ITSN2: variants seen among roughly 807,000 people sequenced by gnomAD.
ITSN2 encodes intersectin 2.
In ITSN2, 156 loss-of-function variants were observed where a neutral mutation model predicts 243.7. The ratio of observed to expected loss-of-function variants is 0.64; its 90% CI spans 0.56 to 0.73. The LOEUF (loss-of-function observed/expected upper bound fraction) is 0.73, where lower values mean the gene tolerates loss of function less well. Among genes scored for constraint, ITSN2 ranks in the 30% least tolerant of loss-of-function variants. ITSN2 has a pLI of 0.00. For synonymous variants in ITSN2, 703 were observed against 699.9 expected, an observed-to-expected ratio of 1.00 and a Z score of -0.07; for missense variants, 1,801 against 1,996.1, an observed-to-expected ratio of 0.90 and a Z score of 1.86.
chr2:24,315,174 T>G lies in ITSN2; in HGVS notation c.82A>C (p.Arg28=). 6.2e-7 allele frequency: 1 copy of G among 1,612,632 alleles called. No individual in the cohort carries two copies. The highest frequency in any genetic ancestry group is 1.3e-5 in the African/African-American group (1 of 75,036). ...ITSEERTKHD[R]QFDNLKPSGG... ...GAAGGTTTGAGGTTATCAAACTGCC[T>G]GTCATGCTTAGTACGTTCTTCAGAG... Residue 28 remains arginine, a synonymous_variant, in exon 3 of 40, where the codon AGG becomes CGG. Transcript: ENST00000355123.
chr2:24,285,125 G>C (rs983292468), intron 16 of ITSN2, among the ~76,000 whole-genome samples: 11 of 152,020 alleles, frequency 7.2e-5, no homozygotes, highest in Admixed American at 6.6e-5. Flanking sequence ...TCGATCTCTT[G>C]ACCTCGTGAT....
chr2:24,264,697 T>TACAC (rs55826835), intron 20 of ITSN2, among the ~76,000 whole-genome samples: 713 of 49,772 alleles, frequency 0.014, 6 homozygotes, highest in South Asian at 0.03. Context: ...CTGTTGTTTA[T>TACAC]ACACACACAC....
Position 24,254,444 on chromosome 2 carries a change from TAAACAAAC to T in ITSN2, c.2889-21_2889-14del, listed in dbSNP as rs201002598. 5.9e-4 allele frequency: 942 copies of T among 1,588,448 alleles called. 1 individual carries two copies. Among genetic ancestry groups the T allele is most frequent in the Non-Finnish European group, 6.2e-4 (714 of 1,157,742 alleles). ...CAAAGCTTCTGGTCTACCAAATATA[TAAACAAAC>T]AAACAAACAAACAAACAAATACAAG... On this transcript the variant is annotated splice_polypyrimidine_tract_variant and intron_variant, in intron 23 of 39. Coordinates refer to ENST00000355123, the MANE Select transcript of ITSN2 (RefSeq NM_006277.3).
chr2:24,325,229 T>C (rs1685032103), intron 2 of ITSN2, among the ~76,000 whole-genome samples: 1 of 151,902 alleles, frequency 6.6e-6, no homozygotes, highest in Admixed American at 6.6e-5. Flanking sequence ...GACAAGATAG[T>C]GAGACCCCCA....
chr2:24,304,452 A>T (rs1327315194), intron 8 of ITSN2, among the ~76,000 whole-genome samples: 2 of 152,256 alleles, frequency 1.3e-5, no homozygotes, highest in African/African-American at 4.8e-5. Flanking sequence ...CATGCAGCTA[A>T]ATGTTTATAT....
chr2:24,210,070 G>C (rs767014512), intron 34 of ITSN2, 37 bp from the exon 35 acceptor site: 52 of 1,508,898 alleles, frequency 3.4e-5, no homozygotes, highest in Non-Finnish European at 4.6e-5. Flanking sequence ...TTAAATCCCG[G>C]CACAAACCAT....
chr2:24,245,268 C>T (rs1406609586), intron 29 of ITSN2, among the ~76,000 whole-genome samples: 1 of 152,082 alleles, frequency 6.6e-6, no homozygotes, highest in African/African-American at 2.4e-5. Context: ...TGAAATAGAC[C>T]TTGATTGATA....
Position 24,295,697 on chromosome 2 carries a change from A to G in ITSN2, c.1602T>C (p.Ile534=). The G allele has an allele frequency of 1.3e-6, 2 of 1,546,828 alleles. No homozygotes were observed. The highest frequency in any genetic ancestry group is 2.5e-5 in the East Asian group (1 of 40,284). The stretch of plus-strand genomic sequence containing the variant: ...CCTGTTGAAGTTGCTTGATTTCCAT[A>G]ATTTCCAAGTCACACTGCTTATCCA... The part of the protein sequence containing the change: ...EVLDKQCDLE[I]MEIKQLQQEL... The change falls in exon 14 of 40, where the codon ATT becomes ATC. Residue 534 remains isoleucine (I), a synonymous_variant. Transcript: ENST00000355123.
In ITSN2 at chr2:24,298,701, A is replaced by G; in HGVS notation, c.1458T>C (p.Ser486=). 1 of 1,605,436 alleles carries G rather than the reference A, an allele frequency of 6.2e-7. No individual in the cohort carries two copies. ...ACTCAAGATGAAGATTCTTCTTTTT[A>G]GAGTTTAACCTGACAATTTCTTCTT... ...REQEEIVRLN[S]KKKNLHLELE... The change falls in exon 13 of 40, where the codon TCT becomes TCC. Residue 486 remains serine (S), a synonymous_variant. Transcript: ENST00000355123.
intron 17 of ITSN2, among the ~76,000 whole-genome samples, chr2:24,276,565 G>A (rs1430648552): frequency 1.3e-5 from 2 of 152,178 alleles, no homozygotes; most frequent in African/African-American, 4.8e-5. Context: ...AGGAACTTGT[G>A]ATTATCTGTT....
intron 29 of ITSN2, among the ~76,000 whole-genome samples, chr2:24,230,657 A>G (rs755531920): frequency 2.1e-4 from 32 of 152,186 alleles, no homozygotes; most frequent in Non-Finnish European, 4.4e-4. Context: ...AATCCCATCT[A>G]CTTGGGAGGC....
chr2:24,256,181 G>A (rs112209560), intron 23 of ITSN2, among the ~76,000 whole-genome samples: 171 of 152,296 alleles, frequency 1.1e-3, no homozygotes, highest in Admixed American at 2.2e-3. Flanking sequence ...CCATGATTGC[G>A]CCACTGCGCT....
intron 1 of ITSN2, among the ~76,000 whole-genome samples, chr2:24,331,068 CT>C (rs1182993261): frequency 0.046 from 5,174 of 111,754 alleles, 143 homozygotes; most frequent in Non-Finnish European, 0.054. Context: ...CACCCGGCCA[CT>C]TTTTTTTTTT....
chr2:24,321,753 C>T (rs1215595734), intron 2 of ITSN2: 6 of 152,072 alleles, frequency 3.9e-5, no homozygotes, highest in African/African-American at 9.7e-5. Context: ...AATTATGATG[C>T]TGATTTTAAA....
intron 29 of ITSN2, chr2:24,240,585 T>C (rs1672612368): frequency 6.6e-6 from 1 of 152,266 alleles, no homozygotes; most frequent in African/African-American, 2.4e-5. Flanking sequence ...AGTTATGATT[T>C]AGGCAATGTA....
chr2:24,269,368 C>T (rs1267418128), intron 20 of ITSN2, among the ~76,000 whole-genome samples: 1 of 152,176 alleles, frequency 6.6e-6, no homozygotes, highest in South Asian at 2.1e-4. Flanking sequence ...TTATATATTC[C>T]CCCTCTGATT....
chr2:24,271,476 A>G (rs1677339369), intron 19 of ITSN2, among the ~76,000 whole-genome samples: 1 of 152,168 alleles, frequency 6.6e-6, no homozygotes, highest in Admixed American at 6.5e-5. Context: ...TGGTTGAATA[A>G]AATATTTAAA....
rs763421777 is a variant in ITSN2, at chr2:24,275,865, A to C, written c.1945-16T>G. ...CTCTCAGTTCCTAAGGAGAAAAAGA[A>C]AATAAGTCAATACGTGAATGATTTA... On this transcript the variant is annotated splice_polypyrimidine_tract_variant and intron_variant, in intron 17 of 39. Transcript: ENST00000355123. 6.4e-7 allele frequency: 1 copy of C among 1,573,436 alleles called. No homozygotes were observed. Among genetic ancestry groups the C allele is most frequent in the Non-Finnish European group, 8.6e-7 (1 of 1,158,702 alleles).
intron 2 of ITSN2, among the ~76,000 whole-genome samples, chr2:24,322,193 C>G (rs1186226051): frequency 2.6e-5 from 4 of 152,096 alleles, no homozygotes; most frequent in Admixed American, 2.6e-4. Context: ...TGAAACTCAC[C>G]CTGTGTCAGG....
Sources: gnomAD v4.1 joint callset for allele counts (sites outside exome capture counted in the v4.1 genomes callset) on GRCh38, gnomAD v4.1.1 for gene constraint, MANE v1.5 for transcripts, NCBI Gene and HGNC (gene_info 2026-07-23, HGNC 2026-07-21) for gene names.